Variants in PCDH15 observed in about 807,000 individuals in gnomAD.
The protein encoded by PCDH15 is protocadherin related 15.
PCDH15 carries 129 observed loss-of-function variants against 178.5 expected under a neutral mutation model. The observed-to-expected ratio is 0.72, with a 90% confidence interval of 0.63 to 0.84. The LOEUF (loss-of-function observed/expected upper bound fraction) is 0.84, where lower values mean the gene tolerates loss of function less well. Ranked by LOEUF, PCDH15 falls within the 40% of genes least tolerant of loss-of-function variation. The pLI is 0.00. For missense variants in PCDH15, 2,230 were observed against 2,099.9 expected (o/e 1.06, Z -1.21); for synonymous variants, 800 against 732.0 (o/e 1.09, Z -1.50).
chr10:54,453,769 C>T (rs575262534), intron 3 of PCDH15, among the ~76,000 whole-genome samples: 1 of 151,860 alleles, frequency 6.6e-6, no homozygotes, highest in East Asian at 1.9e-4. Context: ...CAGCTACAAA[C>T]CAACCAGAAC....
intron 1 of PCDH15, among the ~76,000 whole-genome samples, chr10:55,178,107 T>G (rs544841172): frequency 6.6e-6 from 1 of 152,186 alleles, no homozygotes; most frequent in Non-Finnish European, 1.5e-5. Flanking sequence ...GACTTCCTCA[T>G]AGCTAATTGG....
chr10:54,609,642 T>C (rs2092896074), intron 2 of PCDH15, among the ~76,000 whole-genome samples: 1 of 151,974 alleles, frequency 6.6e-6, no homozygotes, highest in African/African-American at 2.4e-5. Context: ...TGAAAGGGAT[T>C]TCAGGCTATT....
At chr10:54,661,483 C>T (rs980259136) in intron 2 of PCDH15, among the ~76,000 whole-genome samples, 7 of 151,582 alleles carry the variant, frequency 4.6e-5, no homozygotes, top group East Asian at 3.9e-4. Context: ...CTGCCCAAAG[C>T]GAGCTACATA....
At chr10:54,327,665 A>G (rs771227493) in intron 7 of PCDH15, among the ~76,000 whole-genome samples, 3 of 151,890 alleles carry the variant, frequency 2.0e-5, no homozygotes, top group Non-Finnish European at 4.4e-5. Context: ...AGTTTGTGGC[A>G]CATTTTTTCA....
chr10:53,885,612 G>T (rs957853058), intron 26 of PCDH15, among the ~76,000 whole-genome samples: 1 of 152,002 alleles, frequency 6.6e-6, no homozygotes, highest in African/African-American at 2.4e-5. Context: ...TTGACAACAA[G>T]AAAATTCTAT....
intron 21 of PCDH15, among the ~76,000 whole-genome samples, chr10:53,992,117 G>A (rs1230220617): frequency 6.6e-6 from 1 of 151,742 alleles, no homozygotes; most frequent in Non-Finnish European, 1.5e-5. Flanking sequence ...TGAACCCACT[G>A]GGAGGAATGA....
intron 1 of PCDH15, among the ~76,000 whole-genome samples, chr10:55,218,390 T>C (rs1177562189): frequency 6.6e-6 from 1 of 151,946 alleles, no homozygotes; most frequent in Non-Finnish European, 1.5e-5. Context: ...AAAATGGTGA[T>C]ATGAATGAGG....
At chr10:55,297,617 T>C (rs1564981059) in intron 1 of PCDH15, among the ~76,000 whole-genome samples, 1 of 152,098 alleles carries the variant, frequency 6.6e-6, no homozygotes. Context: ...AAGACTCAAT[T>C]TATATGACTT....
rs535656214 is a variant in PCDH15 at position 53,950,524 on chromosome 10, G to A, written c.3122+9208C>T. 9.2e-5 allele frequency among the ~76,000 whole-genome samples: 14 copies of A among 152,194 alleles called. No individual in the cohort carries two copies. The East Asian group carries it at 2.3e-3, about 25-fold the overall frequency. On this transcript the variant is annotated intron_variant, in intron 23 of 37. Transcript: ENST00000644397. ...TATTTGGCAAATTTTTTGATAAATT[G>A]TGTAATATAATGCATTTCCCACTCA... is the stretch of plus-strand genomic sequence containing the variant.
chr10:54,569,938 A>G (rs1365922497), intron 2 of PCDH15, among the ~76,000 whole-genome samples: 1 of 152,154 alleles, frequency 6.6e-6, no homozygotes, highest in Non-Finnish European at 1.5e-5. Flanking sequence ...GGGTTTTTAG[A>G]TAAGATCTAA....
rs1245944765 is a variant in PCDH15, at chr10:53,831,392, C to G, written c.4125G>C (p.Gly1375=). The change falls in exon 30 of 38, where the codon GGG becomes GGC. Residue 1375 remains glycine, a synonymous_variant. Coordinates refer to ENST00000644397, the MANE Select transcript of PCDH15 (RefSeq NM_001384140.1). ...KRGESLGYTE[G]ALLALAFIII... ...TGATGAAGGCCAGAGCCAACAAGGCCCCTTCTGTGTATCCTAGACTTTCTC... is the reference window on the plus strand; with the variant it reads ...TGATGAAGGCCAGAGCCAACAAGGCGCCTTCTGTGTATCCTAGACTTTCTC... 2 of 1,613,914 alleles carry G rather than the reference C, an allele frequency of 1.2e-6. No homozygotes were observed. The highest frequency in any genetic ancestry group is 1.7e-6 in the Non-Finnish European group (2 of 1,179,994).
Position 55,422,739 on chromosome 10 carries a change from G to A in PCDH15, c.-156+204886C>T, listed in dbSNP as rs1186817949. 4.6e-5 allele frequency among the ~76,000 whole-genome samples: 7 copies of A among 151,894 alleles called. No homozygotes were observed. In the East Asian group the frequency reaches 1.4e-3, roughly 29 times the overall value. ...CAATGGTATGTTGTGCTCGGCATGG[G>A]AAGAAGAAGGCAATAAGGAATGAGG... is the stretch of plus-strand genomic sequence containing the variant. On this transcript the variant is annotated intron_variant, in intron 2 of 5. Transcript: ENST00000613346.
At chr10:54,291,465 G>A (rs560865961) in intron 8 of PCDH15, among the ~76,000 whole-genome samples, 1 of 152,024 alleles carries the variant, frequency 6.6e-6, no homozygotes, top group Non-Finnish European at 1.5e-5. Flanking sequence ...CAAGAAATAA[G>A]TAATATCAGA....
intron 1 of PCDH15, among the ~76,000 whole-genome samples, chr10:55,172,332 TA>T (rs1839358550): frequency 6.6e-6 from 1 of 151,932 alleles, no homozygotes; most frequent in South Asian, 2.1e-4. Context: ...TTTTTCAAGA[TA>T]AAAGTACAAA....
At chr10:55,500,405 G>A (rs889256172) in intron 2 of PCDH15, among the ~76,000 whole-genome samples, 1 of 151,672 alleles carries the variant, frequency 6.6e-6, no homozygotes, top group African/African-American at 2.4e-5. Flanking sequence ...GCAGTCAGAG[G>A]GCTAAAGAGA....
At position 54,008,876 on chromosome 10, in the gene PCDH15, A is replaced by G. The variant is rs987781254; in HGVS notation, c.2751+11316T>C. On this transcript the variant is annotated intron_variant, in intron 20 of 37. Coordinates refer to ENST00000644397, the MANE Select transcript of PCDH15 (RefSeq NM_001384140.1). Reference sequence around the variant, plus strand: ...CAGAAGATATTTTGCTATTTAGTCTATATAGATCACTCTCACCTTAGTCTT... The same window carrying G: ...CAGAAGATATTTTGCTATTTAGTCTGTATAGATCACTCTCACCTTAGTCTT... Among the ~76,000 whole-genome samples the G allele has an allele frequency of 3.9e-5, 6 of 152,336 alleles. No homozygotes were observed. The East Asian group carries it at 1.2e-3, about 29-fold the overall frequency.
intron 2 of PCDH15, among the ~76,000 whole-genome samples, chr10:54,630,084 T>C (rs976500783): frequency 8.5e-5 from 13 of 152,106 alleles, no homozygotes; most frequent in African/African-American, 3.1e-4. Context: ...AATGAAATCA[T>C]AGATGAAACA....
rs60826837 is a variant in PCDH15, at chr10:54,743,095, G to T, written c.-29+57830C>A. 4.0e-3 allele frequency among the ~76,000 whole-genome samples: 604 copies of T among 152,118 alleles called. 4 individuals are homozygous for T. The highest frequency in any genetic ancestry group is 0.014 in the African/African-American group (577 of 41,544). On this transcript the variant is annotated intron_variant, in intron 1 of 37. Transcript: ENST00000644397. ...CCAGAAGTGAGTAACCAGCAGAAAA[G>T]TAGATAAAGGTTCTGATCTGGATCC... is the stretch of plus-strand genomic sequence containing the variant.
At chr10:53,972,676 G>C (rs571148071) in intron 21 of PCDH15, among the ~76,000 whole-genome samples, 3 of 152,234 alleles carry the variant, frequency 2.0e-5, no homozygotes, top group Non-Finnish European at 4.4e-5. Flanking sequence ...GCAGCCAACA[G>C]ACACATGAAA....
Sources: allele counts gnomAD v4.1 joint callset (sites outside exome capture counted in the v4.1 genomes callset), GRCh38; gene constraint gnomAD v4.1.1; transcripts MANE v1.5; gene names NCBI Gene and HGNC (gene_info 2026-07-23, HGNC 2026-07-21).